RGPD8: variants seen among roughly 807,000 people sequenced by gnomAD.
The protein encoded by RGPD8 is RANBP2-like and GRIP domain-containing protein 8.
In RGPD8, 15 loss-of-function variants were observed where a neutral mutation model predicts 89.1. That is an observed-to-expected ratio of 0.17 (90% CI 0.11 to 0.26). The LOEUF (loss-of-function observed/expected upper bound fraction) is 0.26. Ranked by LOEUF, RGPD8 falls within the 10% of genes least tolerant of loss-of-function variation. RGPD8 has a pLI of 1.00. For missense variants in RGPD8, 178 were observed against 1,179.6 expected (o/e 0.15, Z 12.44); for synonymous variants, 62 against 420.9 (o/e 0.15, Z 10.44).
chr2:112,425,806 T>C (rs1257788680), intron 1 of RGPD8, among the ~76,000 whole-genome samples: 2 of 150,586 alleles, frequency 1.3e-5, no homozygotes, highest in East Asian at 1.9e-4. Flanking sequence ...GTTCCATCCA[T>C]GTGATAGAGT....
intron 6 of RGPD8, among the ~76,000 whole-genome samples, chr2:112,415,645 G>A (rs1390603376): frequency 1.2e-4 from 18 of 150,896 alleles, no homozygotes; most frequent in African/African-American, 4.4e-4. Context: ...AGGAAATTGT[G>A]AAGCTTGCAG....
intron 1 of RGPD8, among the ~76,000 whole-genome samples, chr2:112,427,102 C>G (rs1679803744): frequency 6.6e-6 from 1 of 151,928 alleles, no homozygotes; most frequent in South Asian, 2.1e-4. Context: ...GCCAGTTCCC[C>G]CTTTTCAAAA....
At chr2:112,375,220 ATT>A (rs1383261274) in intron 22 of RGPD8, among the ~76,000 whole-genome samples, 3 of 76,224 alleles carry the variant, frequency 3.9e-5, no homozygotes, top group African/African-American at 4.8e-5. Flanking sequence ...CTAAACCATC[ATT>A]GTTTTTAATT....
intron 21 of RGPD8, among the ~76,000 whole-genome samples, chr2:112,379,380 A>C (rs1302222503): frequency 2.6e-5 from 4 of 151,010 alleles, no homozygotes; most frequent in Non-Finnish European, 4.4e-5. Flanking sequence ...GCAGATCACG[A>C]GGTCAGGAGA....
intron 1 of RGPD8, 41 bp downstream of exon 1, chr2:112,433,316 GGGCCGGGTCGAGGCCGCCGCCGCCC>G (rs796373709): frequency 0.065 from 96,826 of 1,479,362 alleles, 6,476 homozygotes; most frequent in East Asian, 0.36. Context: ...GGCCGCCGCC[GGGCCGGGTCGAGGCCGCCGCCGCCC>G]GGCCGGGTCG....
chr2:112,428,682 G>T (rs527330569), intron 1 of RGPD8, among the ~76,000 whole-genome samples: 1 of 152,086 alleles, frequency 6.6e-6, no homozygotes, highest in East Asian at 1.9e-4. Flanking sequence ...GTTAGTAAGG[G>T]TATTCCAGGT....
intron 1 of RGPD8, among the ~76,000 whole-genome samples, chr2:112,431,575 A>T (rs1186152322): frequency 2.0e-5 from 3 of 151,874 alleles, no homozygotes; most frequent in South Asian, 4.2e-4. Context: ...AAGATAACCT[A>T]TGCTTAGTTA....
intron 18 of RGPD8, among the ~76,000 whole-genome samples, chr2:112,391,780 G>A (rs1338573050): frequency 9.0e-6 from 1 of 111,450 alleles, no homozygotes; most frequent in East Asian, 2.6e-4. Context: ...TTTTATGCCT[G>A]TACATGGAAG....
Position 112,377,365 on chromosome 2 carries a change from G to A in RGPD8, c.5263+688C>T, listed in dbSNP as rs200270245. Among the ~76,000 whole-genome samples, 14 of 101,720 alleles carry A rather than the reference G, an allele frequency of 1.4e-4. 1 individual carries two copies. Among genetic ancestry groups the A allele is most frequent in the African/African-American group, 4.2e-4 (13 of 31,278 alleles). The allele number at this position is 101,720 out of a possible 152,430, so 66.7% of individuals were successfully genotyped here. On this transcript the variant is annotated intron_variant, in intron 22 of 22. Coordinates refer to ENST00000302558, the MANE Select transcript of RGPD8 (RefSeq NM_001164463.1). The stretch of plus-strand genomic sequence containing the variant: ...GGCGTGACACATCACTGCAACCTCC[G>A]CCTCGTGAGTTCAAGCGACTCTGCT...
At chr2:112,411,237 T>C (rs1679182669) in intron 7 of RGPD8, among the ~76,000 whole-genome samples, 1 of 151,010 alleles carries the variant, frequency 6.6e-6, no homozygotes, top group Non-Finnish European at 1.5e-5. Flanking sequence ...TTATTTCTTT[T>C]CCTTTCGAAA....
intron 1 of RGPD8, among the ~76,000 whole-genome samples, chr2:112,430,156 A>G (rs995654643): frequency 6.6e-6 from 1 of 152,208 alleles, no homozygotes; most frequent in Non-Finnish European, 1.5e-5. Context: ...AAGACTAGAA[A>G]GATATGATAT....
At chr2:112,428,699 ACAATCAAT>A (rs539283848) in intron 1 of RGPD8, among the ~76,000 whole-genome samples, 1 of 152,118 alleles carries the variant, frequency 6.6e-6, no homozygotes, top group African/African-American at 2.4e-5. Context: ...AGGTAGACAG[ACAATCAAT>A]CAATCAATCA....
intron 1 of RGPD8, among the ~76,000 whole-genome samples, chr2:112,424,679 T>C (rs1197751023): frequency 6.6e-6 from 1 of 151,870 alleles, no homozygotes; most frequent in Non-Finnish European, 1.5e-5. Flanking sequence ...GAGGTTGCAG[T>C]CAGCTGAGAT....
chr2:112,380,854 T>C lies in RGPD8; in HGVS notation c.5031A>G (p.Ala1677=). ...TTTGCTCCATAAGGACTGCATTGGTTGCCTCTATTTCCCGAAGCAGGCCGT... is the reference window on the plus strand; with the variant it reads ...TTTGCTCCATAAGGACTGCATTGGTCGCCTCTATTTCCCGAAGCAGGCCGT... The part of the protein sequence containing the change: ...HLNGLLREIE[A]TNAVLMEQIK... The change falls in exon 21 of 23, where the codon GCA becomes GCG. Residue 1677 remains alanine, a synonymous_variant. Coordinates refer to ENST00000302558, the MANE Select transcript of RGPD8 (RefSeq NM_001164463.1). 1.4e-6 allele frequency: 2 copies of C among 1,425,276 alleles called. No individual in the cohort carries two copies. Among genetic ancestry groups the C allele is most frequent in the Non-Finnish European group, 1.9e-6 (2 of 1,036,672 alleles). The allele number at this position is 1,425,276 out of a possible 1,614,324, so 88.3% of individuals were successfully genotyped here.
intron 7 of RGPD8, among the ~76,000 whole-genome samples, chr2:112,410,601 T>C (rs368863159): frequency 0.11 from 9,003 of 80,578 alleles, 191 homozygotes; most frequent in African/African-American, 0.27. Context: ...CATGGTGAAA[T>C]CCCATCTCTA....
intron 1 of RGPD8, among the ~76,000 whole-genome samples, chr2:112,428,772 G>T (rs1372565798): frequency 6.6e-6 from 1 of 152,138 alleles, no homozygotes; most frequent in Non-Finnish European, 1.5e-5. Context: ...ACATTTGAGG[G>T]TTTAAATTGC....
At chr2:112,370,377 T>C (rs1677928000) in intron 22 of RGPD8, among the ~76,000 whole-genome samples, 165 bp from the exon 23 acceptor site, 1 of 144,614 alleles carries the variant, frequency 6.9e-6, no homozygotes, top group African/African-American at 2.5e-5. Flanking sequence ...TTTTTTTTTT[T>C]TTTTTTTTTT....
At chr2:112,416,401 T>C (rs1248970555) in intron 6 of RGPD8, among the ~76,000 whole-genome samples, 8 of 150,842 alleles carry the variant, frequency 5.3e-5, no homozygotes, top group Admixed American at 6.6e-5. Context: ...TCCAAACAAA[T>C]GGACAGCCTA....
chr2:112,378,812 AC>A (rs1398943177), intron 21 of RGPD8, among the ~76,000 whole-genome samples: 2 of 22,896 alleles, frequency 8.7e-5, no homozygotes, highest in African/African-American at 1.6e-4. Flanking sequence ...AAGCTGGGGA[AC>A]TGATGGAACG....
Sources: gnomAD v4.1 joint callset for allele counts (sites outside exome capture counted in the v4.1 genomes callset) on GRCh38, gnomAD v4.1.1 for gene constraint, MANE v1.5 for transcripts, NCBI Gene and HGNC (gene_info 2026-07-23, HGNC 2026-07-21) for gene names.